Variants in NRXN3 observed in about 807,000 individuals in gnomAD.
The protein encoded by NRXN3 is neurexin III.
NRXN3 carries 32 observed loss-of-function variants against 137.6 expected under a neutral mutation model. The ratio of observed to expected loss-of-function variants is 0.23; its 90% CI spans 0.18 to 0.31. NRXN3 has a LOEUF of 0.31. Ranked by LOEUF, NRXN3 falls within the 10% of genes least tolerant of loss-of-function variation. The probability of loss-of-function intolerance (pLI) is 1.00; values close to 1 mark genes in which losing one functional copy is unlikely to be tolerated. For synonymous variants in NRXN3, 798 were observed against 784.5 expected, an observed-to-expected ratio of 1.02 and a Z score of -0.29; for missense variants, 1,574 against 2,062.5, an observed-to-expected ratio of 0.76 and a Z score of 4.59.
chr14:79,258,349 T>C (rs1330493417), intron 15 of NRXN3, among the ~76,000 whole-genome samples: 1 of 152,036 alleles, frequency 6.6e-6, no homozygotes, highest in African/African-American at 2.4e-5. Flanking sequence ...GGATTACAGG[T>C]GCGCACCACC....
intron 4 of NRXN3, chr14:78,403,758 G>C (rs1455749749): frequency 3.0e-6 from 3 of 985,512 alleles, no homozygotes; most frequent in Non-Finnish European, 3.6e-6. Context: ...CACAGGACTG[G>C]AGGGCTTGAG....
chr14:79,117,266 C>T (rs1035548772), intron 15 of NRXN3, among the ~76,000 whole-genome samples: 4 of 152,164 alleles, frequency 2.6e-5, no homozygotes, highest in Admixed American at 6.5e-5. Context: ...AAGATCTCAA[C>T]ATATAAATAT....
chr14:79,408,894 A>G (rs889804782), intron 15 of NRXN3, among the ~76,000 whole-genome samples: 2 of 152,110 alleles, frequency 1.3e-5, no homozygotes, highest in African/African-American at 4.8e-5. Flanking sequence ...TACTCAGAAC[A>G]TCATTACATT....
intron 15 of NRXN3, among the ~76,000 whole-genome samples, chr14:79,221,955 T>C (rs547914117): frequency 6.6e-6 from 1 of 152,328 alleles, no homozygotes; most frequent in East Asian, 1.9e-4. Flanking sequence ...GGGTCCAGTT[T>C]CAGTTTTCTG....
chr14:78,874,006 C>T (rs1338466261), intron 10 of NRXN3, among the ~76,000 whole-genome samples: 1 of 147,330 alleles, frequency 6.8e-6, no homozygotes, highest in African/African-American at 2.6e-5. Flanking sequence ...CAATGTCTCA[C>T]TGTGACCCAG....
At chr14:78,312,003 A>AAAT (rs1351429228) in intron 4 of NRXN3, among the ~76,000 whole-genome samples, 10 of 152,140 alleles carry the variant, frequency 6.6e-5, no homozygotes, top group Non-Finnish European at 1.5e-4. Context: ...TTGTAGCACA[A>AAAT]TCGGGACTTA....
At chr14:78,577,380 G>C (rs1600741808) in intron 4 of NRXN3, among the ~76,000 whole-genome samples, 2 of 151,896 alleles carry the variant, frequency 1.3e-5, no homozygotes, top group Admixed American at 6.6e-5. Flanking sequence ...TGAAGATAAG[G>C]GTATAGATAG....
At chr14:78,657,046 C>CAAAAAAAAAA (rs1174872709) in intron 6 of NRXN3, among the ~76,000 whole-genome samples, 14 of 31,060 alleles carry the variant, frequency 4.5e-4, no homozygotes, top group African/African-American at 1.5e-3. Context: ...GACTCCGTCT[C>CAAAAAAAAAA]AAAAAAAAAA....
chr14:78,685,976 A>G (rs2098122526), intron 6 of NRXN3, among the ~76,000 whole-genome samples: 1 of 151,516 alleles, frequency 6.6e-6, no homozygotes, highest in Non-Finnish European at 1.5e-5. Flanking sequence ...GCCTTTCCTG[A>G]CTACCCTGTA....
chr14:78,628,475 T>G (rs1268115853), intron 4 of NRXN3, among the ~76,000 whole-genome samples: 1 of 152,198 alleles, frequency 6.6e-6, no homozygotes, highest in Non-Finnish European at 1.5e-5. Context: ...AGAACTCCTG[T>G]TTTCACTGTC....
chr14:78,365,696 T>C (rs1040375864), intron 4 of NRXN3, among the ~76,000 whole-genome samples: 3 of 152,228 alleles, frequency 2.0e-5, no homozygotes, highest in African/African-American at 7.2e-5. Context: ...TTTGCTCATA[T>C]GAGGTTGAAA....
intron 14 of NRXN3, among the ~76,000 whole-genome samples, chr14:78,973,149 A>G (rs1312070436): frequency 6.6e-6 from 1 of 152,210 alleles, no homozygotes; most frequent in Non-Finnish European, 1.5e-5. Flanking sequence ...TTTGGGGGGT[A>G]CCAAAGAGGT....
At chr14:78,708,805 A>G (rs2098382054) in intron 6 of NRXN3, among the ~76,000 whole-genome samples, 1 of 152,196 alleles carries the variant, frequency 6.6e-6, no homozygotes, top group Non-Finnish European at 1.5e-5. Context: ...CCTGCCTAAT[A>G]TTCCATTATA....
chr14:79,609,111 C>T (rs1413741500), intron 16 of NRXN3, among the ~76,000 whole-genome samples: 1 of 151,966 alleles, frequency 6.6e-6, no homozygotes, highest in African/African-American at 2.4e-5. Flanking sequence ...CACAGTTTAA[C>T]CCCTAGGTCT....
chr14:78,292,147 C>T, intron 3 of NRXN3, among the ~76,000 whole-genome samples: 1 of 152,312 alleles, frequency 6.6e-6, no homozygotes, highest in Admixed American at 6.5e-5. Flanking sequence ...GGTTTCTATT[C>T]TCTGTATTAG....
intron 3 of NRXN3, among the ~76,000 whole-genome samples, chr14:78,285,488 A>T (rs947974373): frequency 1.3e-5 from 2 of 152,272 alleles, no homozygotes; most frequent in South Asian, 2.1e-4. Flanking sequence ...TACCTCACTG[A>T]TACAACCCAG....
chr14:79,079,099 C>A (rs1297798567), intron 15 of NRXN3, among the ~76,000 whole-genome samples: 1 of 152,202 alleles, frequency 6.6e-6, no homozygotes, highest in African/African-American at 2.4e-5. Context: ...AAAGATCATT[C>A]TCTTCCTGGC....
chr14:79,412,566 T>C lies in NRXN3; in HGVS notation c.3263-54655T>C, dbSNP rs566559035. On this transcript the variant is annotated intron_variant, in intron 15 of 20. Transcript: ENST00000335750. ...GGCTGAGGTGGGTGGATCATTTGAG[T>C]TCAGGAGTTTGAGACCAGCCTGGCC... Among the ~76,000 whole-genome samples, 5 of 150,894 alleles carry C rather than the reference T, an allele frequency of 3.3e-5. No homozygotes were observed. The South Asian group carries it at 8.4e-4, about 25-fold the overall frequency.
intron 20 of NRXN3, among the ~76,000 whole-genome samples, chr14:79,805,839 A>G (rs565908519): frequency 1.3e-5 from 2 of 152,318 alleles, no homozygotes; most frequent in African/African-American, 4.8e-5. Flanking sequence ...TGATGCTTCA[A>G]AATGTATCTA....
Sources: allele counts gnomAD v4.1 joint callset (sites outside exome capture counted in the v4.1 genomes callset), GRCh38; gene constraint gnomAD v4.1.1; transcripts MANE v1.5; gene names NCBI Gene and HGNC (gene_info 2026-07-23, HGNC 2026-07-21).